THSD4: variants seen among roughly 807,000 people sequenced by gnomAD.
The protein encoded by THSD4 is thrombospondin type 1 domain containing 4.
In THSD4, 69 loss-of-function variants were observed where a neutral mutation model predicts 119.0. The ratio of observed to expected loss-of-function variants is 0.58; its 90% CI spans 0.48 to 0.71. The LOEUF (loss-of-function observed/expected upper bound fraction) is 0.71. THSD4 is among the 30% of genes least tolerant of loss of function. The probability of loss-of-function intolerance (pLI) is 0.00; values close to 1 mark genes in which losing one functional copy is unlikely to be tolerated. For missense variants in THSD4, 1,393 were observed against 1,391.1 expected, an observed-to-expected ratio of 1.00 and a Z score of -0.02; for synonymous variants, 524 against 540.4, an observed-to-expected ratio of 0.97 and a Z score of 0.42.
At chr15:71,323,837 A>G (rs1596336958) in intron 6 of THSD4, among the ~76,000 whole-genome samples, 1 of 152,272 alleles carries the variant, frequency 6.6e-6, no homozygotes, top group South Asian at 2.1e-4. Flanking sequence ...ATAATCTGCA[A>G]CCCCACTATT....
At chr15:71,748,375 G>C (rs1211144614) in intron 13 of THSD4, 46 bp from the exon 14 acceptor site, 4 of 1,607,922 alleles carry the variant, frequency 2.5e-6, no homozygotes, top group Non-Finnish European at 3.4e-6. Flanking sequence ...TTCTCTCCCA[G>C]AGCTGAAGCT....
At chr15:71,414,177 G>T (rs1467318764) in intron 7 of THSD4, among the ~76,000 whole-genome samples, 1 of 152,226 alleles carries the variant, frequency 6.6e-6, no homozygotes, top group South Asian at 2.1e-4. Flanking sequence ...GAATGAGGAG[G>T]ATGGTACCTA....
At chr15:71,525,923 T>G (rs547615778) in intron 7 of THSD4, among the ~76,000 whole-genome samples, 1 of 152,290 alleles carries the variant, frequency 6.6e-6, no homozygotes, top group African/African-American at 2.4e-5. Flanking sequence ...ATGGGTCTCA[T>G]TCATCCAGGA....
chr15:71,165,176 G>T, intron 3 of THSD4: 1 of 1,585,320 alleles, frequency 6.3e-7, no homozygotes, highest in Admixed American at 1.7e-5. Context: ...CTCCCCTTTG[G>T]GAGGGATGTA....
chr15:71,677,451 G>A (rs915043447), intron 8 of THSD4, among the ~76,000 whole-genome samples: 2 of 152,158 alleles, frequency 1.3e-5, no homozygotes, highest in Admixed American at 6.5e-5. Flanking sequence ...GCTGTGATTT[G>A]GAAAGATGCT....
chr15:71,140,885 C>T (rs1044335969), intron 1 of THSD4, among the ~76,000 whole-genome samples: 27 of 152,168 alleles, frequency 1.8e-4, no homozygotes, highest in African/African-American at 4.8e-4. Flanking sequence ...TGGCAACCAA[C>T]GAATCTACTT....
At position 71,097,726 on chromosome 15, in the gene THSD4, ATAT is replaced by A. The variant is rs1341362556; in HGVS notation, c.-80+722_-80+724del. On this transcript the variant is annotated intron_variant, in intron 1 of 17. Transcript: ENST00000355327. ...GAAAGATGTATATATATATATATAT[ATAT>A]TTTTTTTTTTAAGTCCAAAGCAAAC... Among the ~76,000 whole-genome samples, 410 of 133,138 alleles carry A rather than the reference ATAT, an allele frequency of 3.1e-3. 3 individuals are homozygous for A. Among genetic ancestry groups the A allele is most frequent in the African/African-American group, 9.8e-3 (348 of 35,602 alleles). The allele number at this position is 133,138 out of a possible 152,430, so 87.3% of individuals were successfully genotyped here.
chr15:71,329,257 G>A (rs1023060040), intron 6 of THSD4, among the ~76,000 whole-genome samples: 3 of 152,168 alleles, frequency 2.0e-5, no homozygotes, highest in Non-Finnish European at 4.4e-5. Context: ...GCTGCCTGGC[G>A]ACAGGGAGCG....
intron 6 of THSD4, among the ~76,000 whole-genome samples, chr15:71,285,065 G>C (rs533619191): frequency 6.6e-6 from 1 of 152,206 alleles, no homozygotes; most frequent in East Asian, 1.9e-4. Flanking sequence ...CTCTGTCCAG[G>C]CTGCTATTCT....
intron 6 of THSD4, among the ~76,000 whole-genome samples, chr15:71,373,844 G>A (rs1247154225): frequency 6.6e-6 from 1 of 152,208 alleles, no homozygotes; most frequent in Non-Finnish European, 1.5e-5. Flanking sequence ...GTGAGTGAGT[G>A]TTTCTTGGAG....
intron 7 of THSD4, among the ~76,000 whole-genome samples, chr15:71,605,211 A>C (rs1171652557): frequency 6.6e-6 from 1 of 152,250 alleles, no homozygotes; most frequent in African/African-American, 2.4e-5. Flanking sequence ...GACAGGGACC[A>C]GACCGTGCAG....
chr15:71,139,615 A>G (rs531047599), intron 1 of THSD4, among the ~76,000 whole-genome samples: 7 of 152,208 alleles, frequency 4.6e-5, no homozygotes, highest in Non-Finnish European at 1.0e-4. Context: ...TACAGTTAAG[A>G]GGCTTTACTT....
intron 6 of THSD4, among the ~76,000 whole-genome samples, chr15:71,406,854 A>ATT (rs113962891): frequency 2.7e-5 from 4 of 150,374 alleles, no homozygotes; most frequent in East Asian, 3.9e-4. Context: ...TAATTTTTGT[A>ATT]TTTTTTTTTA....
chr15:71,297,222 G>A lies in THSD4; in HGVS notation c.1015+40507G>A, dbSNP rs151137912. Among the ~76,000 whole-genome samples the A allele has an allele frequency of 4.2e-3, 632 of 151,362 alleles. 6 individuals carry two copies. The highest frequency in any genetic ancestry group is 0.015 in the African/African-American group (606 of 41,274). Reference sequence around the variant, plus strand: ...TTGCATTTCTTGAATGGCTAATGATGTTGAGCTTCTTTTCATGTTTTTGTG... The same window carrying A: ...TTGCATTTCTTGAATGGCTAATGATATTGAGCTTCTTTTCATGTTTTTGTG... On this transcript the variant is annotated intron_variant, in intron 6 of 17. Coordinates refer to ENST00000261862, the MANE Select transcript of THSD4 (RefSeq NM_024817.3).
intron 7 of THSD4, among the ~76,000 whole-genome samples, chr15:71,431,873 G>A (rs535815535): frequency 6.6e-6 from 1 of 152,100 alleles, no homozygotes; most frequent in South Asian, 2.1e-4. Flanking sequence ...ATCTAAAATC[G>A]GGATTTGTAG....
chr15:71,408,237 T>A (rs988333752), intron 6 of THSD4, among the ~76,000 whole-genome samples: 3 of 152,058 alleles, frequency 2.0e-5, no homozygotes, highest in Non-Finnish European at 4.4e-5. Flanking sequence ...GTTGTTGTTG[T>A]TGTTTTTGAA....
intron 8 of THSD4, among the ~76,000 whole-genome samples, chr15:71,669,166 AATATT>A (rs2051473139): frequency 6.6e-6 from 1 of 152,158 alleles, no homozygotes; most frequent in Non-Finnish European, 1.5e-5. Flanking sequence ...ACCAAAACTA[AATATT>A]ATAAGTGTAC....
chr15:71,555,153 A>G (rs532987836), intron 7 of THSD4, among the ~76,000 whole-genome samples: 3 of 152,330 alleles, frequency 2.0e-5, no homozygotes, highest in African/African-American at 7.2e-5. Flanking sequence ...GGTGCTTGCT[A>G]GAACTTCCAG....
chr15:71,771,183 C>A lies in THSD4; in HGVS notation c.2889C>A (p.Asn963Lys), dbSNP rs777660864. ...QLKPEERESC[N>K]PQDCVPEVDE... ...AACCAGAAGAGAGAGAATCTTGTAA[C>A]CCTCAGGACTGTGTCCCTGAAGTTG... Residue 963 changes from asparagine (N) to lysine (K), a missense_variant, in exon 17 of 18, where the codon AAC (asparagine) becomes AAA (lysine). Coordinates refer to ENST00000261862, the MANE Select transcript of THSD4 (RefSeq NM_024817.3). 9.9e-6 allele frequency: 16 copies of A among 1,614,082 alleles called. No homozygotes were observed. The highest frequency in any genetic ancestry group is 1.4e-5 in the Non-Finnish European group (16 of 1,180,024).
Sources: gnomAD v4.1 joint callset for allele counts (sites outside exome capture counted in the v4.1 genomes callset) on GRCh38, gnomAD v4.1.1 for gene constraint, MANE v1.5 for transcripts, NCBI Gene and HGNC (gene_info 2026-07-23, HGNC 2026-07-21) for gene names.